The following REL variants were observed in gnomAD, a reference collection of about 807,000 sequenced individuals.
REL encodes the protein REL proto-oncogene, NF-kB subunit.
Under a neutral mutation model 45.9 loss-of-function variants are expected in REL, and 15 were observed. The ratio of observed to expected loss-of-function variants is 0.33; its 90% CI spans 0.22 to 0.50. REL has a LOEUF of 0.50. REL is among the 20% of genes least tolerant of loss of function. The probability of loss-of-function intolerance (pLI) is 0.98; values close to 1 mark genes in which losing one functional copy is unlikely to be tolerated. For missense variants in REL, 601 were observed against 715.2 expected (o/e 0.84, Z 1.82); for synonymous variants, 239 against 242.1 (o/e 0.99, Z 0.12).
chr2:60,930,117 AG>A lies in REL; in HGVS notation c.*7585del, dbSNP rs1172846023. 1 of 152,314 alleles carries A rather than the reference AG, an allele frequency of 6.6e-6. No individual in the cohort carries two copies. The highest frequency in any genetic ancestry group is 2.4e-5 in the African/African-American group (1 of 41,464). 9.4% of individuals were successfully genotyped at this position (152,314 alleles called of 1,614,324 possible). A position where few individuals can be genotyped will look rare whatever the true frequency, so the allele number is the denominator to read the frequency against. ...AATAGCATGGAGAAATGGAAAGAATAGGGACTTTTTACTCAGGTAATACCCA... is the reference window on the plus strand; with the variant it reads ...AATAGCATGGAGAAATGGAAAGAATAGGACTTTTTACTCAGGTAATACCCA... On this transcript the variant is annotated 3_prime_UTR_variant, in exon 10 of 10. Transcript: ENST00000394479.
intron 1 of REL, among the ~76,000 whole-genome samples, chr2:60,885,325 A>G (rs1258756279): frequency 6.6e-6 from 1 of 152,176 alleles, no homozygotes; most frequent in African/African-American, 2.4e-5. Flanking sequence ...TATTTTTAAA[A>G]CAGAGGTGAT....
chr2:60,915,256 C>CT (rs1673932950), intron 4 of REL, among the ~76,000 whole-genome samples: 1 of 152,152 alleles, frequency 6.6e-6, no homozygotes, highest in Non-Finnish European at 1.5e-5. Flanking sequence ...ACAAATTTAT[C>CT]TTTTTTGCAT....
At chr2:60,886,749 AT>A (rs1573310658) in intron 1 of REL, among the ~76,000 whole-genome samples, 1 of 152,014 alleles carries the variant, frequency 6.6e-6, no homozygotes, top group African/African-American at 2.4e-5. Context: ...TTTCAATGTA[AT>A]TTTTTTATTT....
intron 1 of REL, among the ~76,000 whole-genome samples, chr2:60,890,991 A>G (rs1673195610): frequency 1.3e-5 from 2 of 152,212 alleles, no homozygotes; most frequent in South Asian, 2.1e-4. Context: ...CTGCAGATGC[A>G]TATTTTGAAT....
At position 60,922,058 on chromosome 2, in the gene REL, C is replaced by G; in HGVS notation, c.1287C>G (p.Cys429Trp). The change falls in exon 10 of 10, where the codon TGC becomes TGG. Residue 429 changes from cysteine (C) to tryptophan (W), a missense_variant. This residue lies in a region of REL where 334 missense variants were observed against 333.1 expected (regional missense o/e 1.00). Coordinates refer to ENST00000394479, the MANE Select transcript of REL (RefSeq NM_001291746.2). Reference protein sequence around the residue: ...VGNDLNASNACIYNNADDIVG... With the variant: ...VGNDLNASNAWIYNNADDIVG... ...ATGATTTAAATGCTTCTAATGCTTG[C>G]ATTTACAACAATGCCGATGACATAG... The G allele has an allele frequency of 6.2e-7, 1 of 1,614,182 alleles. No homozygotes were observed. Among genetic ancestry groups the G allele is most frequent in the Non-Finnish European group, 8.5e-7 (1 of 1,180,004 alleles).
chr2:60,918,969 T>A (rs1674057909), intron 7 of REL, among the ~76,000 whole-genome samples: 1 of 152,102 alleles, frequency 6.6e-6, no homozygotes, highest in South Asian at 2.1e-4. Flanking sequence ...ACTTTTGTAT[T>A]TTTAGTAGAG....
At chr2:60,888,208 T>A (rs536846707) in intron 1 of REL, among the ~76,000 whole-genome samples, 180 of 152,234 alleles carry the variant, frequency 1.2e-3, no homozygotes, top group African/African-American at 4.2e-3. Flanking sequence ...GGATTACAGG[T>A]ATGAGCCACC....
At chr2:60,913,163 C>T (rs1673868110) in intron 4 of REL, among the ~76,000 whole-genome samples, 1 of 152,020 alleles carries the variant, frequency 6.6e-6, no homozygotes, top group South Asian at 2.1e-4. Context: ...AGTAAACTCT[C>T]AATCTTAATT....
rs754678258 is a variant in REL at position 60,922,530 on chromosome 2, G to A, written c.1759G>A (p.Val587Ile). 1.9e-6 allele frequency: 3 copies of A among 1,596,174 alleles called. No homozygotes were observed. In the Admixed American group the frequency reaches 5.2e-5, roughly 28 times the overall value. Reference sequence around the variant, plus strand: ...CTCCTTTCCATATGAATTTTTTCAAGTATAACTTGCAAGATTTAAATCCTT... The same window carrying A: ...CTCCTTTCCATATGAATTTTTTCAAATATAACTTGCAAGATTTAAATCCTT... ...SDSFPYEFFQ[V>I] Residue 587 changes from valine to isoleucine, a missense_variant, in exon 10 of 10, where the codon GTA becomes ATA. By Grantham distance (29) the Val-to-Ile change is conservative. Transcript: ENST00000394479.
At chr2:60,897,316 C>CT (rs1183189104) in intron 3 of REL, among the ~76,000 whole-genome samples, 34 of 144,748 alleles carry the variant, frequency 2.3e-4, no homozygotes, top group Middle Eastern at 3.6e-3. Flanking sequence ...TTTTTTTTTC[C>CT]TTTTTTTTTG....
intron 4 of REL, among the ~76,000 whole-genome samples, chr2:60,904,367 A>T (rs1573329040): frequency 6.6e-6 from 1 of 150,502 alleles, no homozygotes; most frequent in Non-Finnish European, 1.5e-5. Context: ...GCTCCACTGC[A>T]CTCCAGCCTG....
At position 60,892,735 on chromosome 2, in the gene REL, G is replaced by A. The variant is rs564519668; in HGVS notation, c.153+910G>A. On this transcript the variant is annotated intron_variant, in intron 2 of 9. Coordinates refer to ENST00000394479, the MANE Select transcript of REL (RefSeq NM_001291746.2). ...GTGAGCCACTGCGTCCAGCCAAGAT[G>A]TACTAAATTTATTTATTTTTTTATT... 1.5e-3 allele frequency among the ~76,000 whole-genome samples: 230 copies of A among 151,400 alleles called. 2 individuals carry two copies. The highest frequency in any genetic ancestry group is 1.7e-3 in the Non-Finnish European group (115 of 67,834).
intron 9 of REL, among the ~76,000 whole-genome samples, 168 bp downstream of exon 9, chr2:60,920,810 T>C (rs1024154038): frequency 5.3e-5 from 8 of 152,234 alleles, no homozygotes; most frequent in African/African-American, 1.9e-4. Flanking sequence ...CTGAAGGTTG[T>C]GTTAGAAACT....
chr2:60,929,570 A>T lies in REL; in HGVS notation c.*7035A>T, dbSNP rs555259765. 3 of 151,562 alleles carry T rather than the reference A, an allele frequency of 2.0e-5. No individual in the cohort carries two copies. The highest frequency in any genetic ancestry group is 2.0e-4 in the East Asian group (1 of 5,118). The allele number at this position is 151,562 out of a possible 1,614,324, so 9.4% of individuals were successfully genotyped here. ...ATCATTCTCAGTAAACTATCGCAAGAACAAGAAACCAAACACCACATATTC... is the reference window on the plus strand; with the variant it reads ...ATCATTCTCAGTAAACTATCGCAAGTACAAGAAACCAAACACCACATATTC... On this transcript the variant is annotated 3_prime_UTR_variant, in exon 10 of 10. Transcript: ENST00000394479.
intron 3 of REL, chr2:60,900,685 G>A (rs1053470284): frequency 4.0e-6 from 1 of 248,320 alleles, no homozygotes; most frequent in Non-Finnish European, 7.7e-6. Flanking sequence ...CACTATGCCT[G>A]GCTAATTTTG....
chr2:60,883,594 G>T (rs1397931544), intron 1 of REL, among the ~76,000 whole-genome samples: 1 of 152,142 alleles, frequency 6.6e-6, no homozygotes, highest in East Asian at 1.9e-4. Context: ...GGCTCTTGGC[G>T]ATTTAATCAA....
chr2:60,893,632 T>C (rs371085592), intron 2 of REL, among the ~76,000 whole-genome samples: 1 of 152,218 alleles, frequency 6.6e-6, no homozygotes, highest in Non-Finnish European at 1.5e-5. Flanking sequence ...AATGTAATAC[T>C]TCTTGGTTAC....
chr2:60,919,969 ATATT>A, intron 7 of REL, 68 bp from the exon 8 acceptor site: 15 of 946,022 alleles, frequency 1.6e-5, no homozygotes, highest in Middle Eastern at 5.2e-4. Flanking sequence ...TGTGAATAAA[ATATT>A]TGTTTATTAA....
At chr2:60,909,205 T>C (rs1673739815) in intron 4 of REL, among the ~76,000 whole-genome samples, 1 of 152,182 alleles carries the variant, frequency 6.6e-6, no homozygotes, top group Non-Finnish European at 1.5e-5. Flanking sequence ...TCTTTTCAAA[T>C]TTGTATCTAA....
Sources: allele counts gnomAD v4.1 joint callset (sites outside exome capture counted in the v4.1 genomes callset), GRCh38; gene constraint gnomAD v4.1.1; regional missense constraint gnomAD v4.1.1; transcripts MANE v1.5; gene names NCBI Gene and HGNC (gene_info 2026-07-23, HGNC 2026-07-21).